Variants in ROBO2 observed in about 807,000 individuals in gnomAD.
ROBO2 encodes the protein roundabout guidance receptor 2, also known as roundabout homolog 2.
A neutral mutation model predicts 160.8 loss-of-function variants in ROBO2; 53 were observed. That is an observed-to-expected ratio of 0.33 (90% CI 0.26 to 0.41). The LOEUF (loss-of-function observed/expected upper bound fraction) is 0.41, where lower values mean the gene tolerates loss of function less well. Ranked by LOEUF, ROBO2 falls within the 10% of genes least tolerant of loss-of-function variation. The pLI, the probability that ROBO2 is intolerant of heterozygous loss-of-function variation, is 1.00. For synonymous variants in ROBO2, 664 were observed against 611.7 expected (o/e 1.09, Z -1.26); for missense variants, 1,577 against 1,722.4 (o/e 0.92, Z 1.49).
chr3:76,520,570 T>A (rs1246252861), intron 2 of ROBO2, among the ~76,000 whole-genome samples: 1 of 152,184 alleles, frequency 6.6e-6, no homozygotes, highest in East Asian at 1.9e-4. Context: ...TTACAAGTTA[T>A]CTAGTCAAAA....
intron 2 of ROBO2, among the ~76,000 whole-genome samples, chr3:77,111,123 C>A (rs951761025): frequency 6.6e-6 from 1 of 152,118 alleles, no homozygotes; most frequent in African/African-American, 2.4e-5. Flanking sequence ...AACTTTAATT[C>A]TTTTAAAGAT....
At chr3:77,070,919 C>T (rs944649115) in intron 1 of ROBO2, among the ~76,000 whole-genome samples, 2 of 152,012 alleles carry the variant, frequency 1.3e-5, no homozygotes, top group Non-Finnish European at 2.9e-5. Flanking sequence ...AGAAACAGGC[C>T]AGGTTTGGAA....
intron 2 of ROBO2, among the ~76,000 whole-genome samples, chr3:77,175,483 G>A (rs62251819): frequency 0.046 from 7,024 of 152,000 alleles, 230 homozygotes; most frequent in African/African-American, 0.092. Flanking sequence ...ATGAGGAATC[G>A]CTCAAAATTT....
intron 2 of ROBO2, among the ~76,000 whole-genome samples, chr3:76,398,905 G>C (rs970712653): frequency 6.6e-6 from 1 of 151,744 alleles, no homozygotes; most frequent in African/African-American, 2.4e-5. Context: ...ATATTTGATG[G>C]TAAGACTGGG....
At chr3:77,255,910 A>G (rs1279237509) in intron 2 of ROBO2, among the ~76,000 whole-genome samples, 1 of 152,240 alleles carries the variant, frequency 6.6e-6, no homozygotes, top group Non-Finnish European at 1.5e-5. Context: ...AGTTGCATTC[A>G]TAAACGTGAC....
intron 2 of ROBO2, among the ~76,000 whole-genome samples, chr3:76,471,383 C>G (rs192312331): frequency 6.6e-6 from 1 of 152,106 alleles, no homozygotes; most frequent in South Asian, 2.1e-4. Flanking sequence ...TATGTCCTTT[C>G]TGAATGGTTC....
At chr3:77,527,446 GGCTTT>G in intron 6 of ROBO2, 32 bp downstream of exon 7, 1 of 1,277,552 alleles carries the variant, frequency 7.8e-7, no homozygotes, top group Non-Finnish European at 1.0e-6. Flanking sequence ...CACTAAGCAT[GGCTTT>G]GCACAGTGCT....
chr3:76,762,022 TTC>T (rs988122100), intron 2 of ROBO2, among the ~76,000 whole-genome samples: 41 of 151,582 alleles, frequency 2.7e-4, no homozygotes, highest in African/African-American at 9.2e-4. Flanking sequence ...GTTTTTTTTT[TTC>T]ATTTTCAGAA....
At position 76,367,414 on chromosome 3, in the gene ROBO2, G is replaced by T. The variant is rs144346745; in HGVS notation, c.109+429812G>T. 4.6e-3 allele frequency among the ~76,000 whole-genome samples: 691 copies of T among 151,808 alleles called. 15 individuals carry two copies. In the East Asian group the frequency reaches 0.067, roughly 15 times the overall value. ...TTTTCTTAATGGCTTTTCCCTAAAA[G>T]AATTCATGTCAGCAGCAGGATGAGT... On this transcript the variant is annotated intron_variant, in intron 2 of 26. Transcript: ENST00000487694.
intron 2 of ROBO2, among the ~76,000 whole-genome samples, chr3:76,100,090 C>T (rs375522838): frequency 7.9e-5 from 12 of 152,112 alleles, no homozygotes; most frequent in African/African-American, 2.2e-4. Context: ...TTAAGAAGAT[C>T]GACTAGAACG....
chr3:76,578,627 C>T (rs1214003480), intron 2 of ROBO2, among the ~76,000 whole-genome samples: 1 of 152,068 alleles, frequency 6.6e-6, no homozygotes, highest in Non-Finnish European at 1.5e-5. Flanking sequence ...CCACCTGCTA[C>T]TTCTCCATCT....
At chr3:76,695,577 T>C (rs915749980) in intron 2 of ROBO2, among the ~76,000 whole-genome samples, 18 of 152,340 alleles carry the variant, frequency 1.2e-4, no homozygotes, top group Admixed American at 1.1e-3. Context: ...TATTAATTCA[T>C]ATTATATGGC....
chr3:77,043,247 G>A (rs2064276883), intron 1 of ROBO2, among the ~76,000 whole-genome samples: 1 of 152,148 alleles, frequency 6.6e-6, no homozygotes, highest in Non-Finnish European at 1.5e-5. Context: ...TCTTAGAGGT[G>A]TGTGCTTATA....
At chr3:76,206,868 A>G (rs1394786424) in intron 2 of ROBO2, among the ~76,000 whole-genome samples, 1 of 152,152 alleles carries the variant, frequency 6.6e-6, no homozygotes, top group Non-Finnish European at 1.5e-5. Context: ...ATGACAGTCA[A>G]CCCTGTTAAA....
intron 21 of ROBO2, 136 bp downstream of exon 22, chr3:77,608,090 T>G: frequency 1.3e-6 from 1 of 780,834 alleles, no homozygotes; most frequent in East Asian, 2.7e-5. Flanking sequence ...TCCCCCTCTT[T>G]CATTGTTTGC....
chr3:76,048,972 A>T (rs1576630347), intron 2 of ROBO2, among the ~76,000 whole-genome samples: 1 of 152,202 alleles, frequency 6.6e-6, no homozygotes, highest in Admixed American at 6.5e-5. Flanking sequence ...GGTTCAAAGC[A>T]TGCAACGCTA....
intron 2 of ROBO2, among the ~76,000 whole-genome samples, chr3:75,954,313 C>G (rs1385054238): frequency 6.6e-6 from 1 of 151,778 alleles, no homozygotes; most frequent in Non-Finnish European, 1.5e-5. Context: ...TTTATCAGGT[C>G]CCTTTGGGTT....
At chr3:77,106,454 G>A (rs1298627550) in intron 2 of ROBO2, among the ~76,000 whole-genome samples, 1 of 152,100 alleles carries the variant, frequency 6.6e-6, no homozygotes, top group East Asian at 1.9e-4. Flanking sequence ...ATTTCGTGCA[G>A]TAACTCATAT....
intron 2 of ROBO2, among the ~76,000 whole-genome samples, chr3:76,802,617 A>T (rs555648704): frequency 9.2e-5 from 14 of 151,758 alleles, no homozygotes; most frequent in African/African-American, 3.4e-4. Flanking sequence ...AGTCCCAGCT[A>T]CTCGGGAGGC....
Sources: gnomAD v4.1 joint callset for allele counts (sites outside exome capture counted in the v4.1 genomes callset) on GRCh38, gnomAD v4.1.1 for gene constraint, MANE v1.5 for transcripts, NCBI Gene and HGNC (gene_info 2026-07-23, HGNC 2026-07-21) for gene names.